Variants in IQUB observed in about 807,000 individuals in gnomAD.
IQUB encodes IQ motif and ubiquitin-like domain-containing protein.
Under a neutral mutation model 86.4 loss-of-function variants are expected in IQUB, and 86 were observed. The ratio of observed to expected loss-of-function variants is 1.00; its 90% CI spans 0.84 to 1.19. The LOEUF is 1.19. IQUB is among the 50% of genes most tolerant of loss of function. The pLI, the probability that IQUB is intolerant of heterozygous loss-of-function variation, is 0.00. For synonymous variants in IQUB, 289 were observed against 304.5 expected (o/e 0.95, Z 0.53); for missense variants, 946 against 916.9 (o/e 1.03, Z -0.41).
chr7:123,516,935 A>G (rs529104233), intron 1 of IQUB, among the ~76,000 whole-genome samples: 2 of 152,264 alleles, frequency 1.3e-5, no homozygotes, highest in South Asian at 4.1e-4. Flanking sequence ...TTTCATGAAT[A>G]CTGTCAGAAT....
chr7:123,502,485 A>G (rs1444706388), intron 6 of IQUB, 112 bp downstream of exon 6: 1 of 872,256 alleles, frequency 1.1e-6, no homozygotes, highest in Non-Finnish European at 1.8e-6. Context: ...TATGACCCAT[A>G]CTCATGAGCA....
intron 1 of IQUB, among the ~76,000 whole-genome samples, chr7:123,514,869 G>A (rs561741870): frequency 1.3e-5 from 2 of 152,192 alleles, no homozygotes; most frequent in East Asian, 3.9e-4. Context: ...CTGTTTCTGA[G>A]TTATTTCACT....
chr7:123,487,738 C>T (rs1176793072), intron 7 of IQUB, among the ~76,000 whole-genome samples: 12 of 152,090 alleles, frequency 7.9e-5, no homozygotes, highest in South Asian at 2.1e-4. Flanking sequence ...ACAAACTTGC[C>T]GAACTTCAGT....
At chr7:123,527,647 C>T (rs539692318) in intron 1 of IQUB, among the ~76,000 whole-genome samples, 124 of 152,186 alleles carry the variant, frequency 8.1e-4, no homozygotes, top group Non-Finnish European at 1.6e-3. Flanking sequence ...GGCCAGGGAC[C>T]CACTTGAGGA....
intron 2 of IQUB, among the ~76,000 whole-genome samples, chr7:123,511,182 T>G (rs1796396691): frequency 6.6e-6 from 1 of 152,118 alleles, no homozygotes; most frequent in Admixed American, 6.6e-5. Flanking sequence ...AAGCTACATT[T>G]TACCAGCCAA....
At chr7:123,505,960 A>G (rs1041712501) in intron 3 of IQUB, among the ~76,000 whole-genome samples, 1 of 152,194 alleles carries the variant, frequency 6.6e-6, no homozygotes, top group Non-Finnish European at 1.5e-5. Flanking sequence ...ATGACCATAT[A>G]CTGTTAGAAC....
At chr7:123,486,931 T>A (rs543836367) in intron 7 of IQUB, among the ~76,000 whole-genome samples, 19 of 152,292 alleles carry the variant, frequency 1.2e-4, no homozygotes, top group African/African-American at 4.6e-4. Context: ...TTCTGCAGCA[T>A]CACCTTGCCC....
intron 1 of IQUB, among the ~76,000 whole-genome samples, chr7:123,514,625 G>C (rs1796562973): frequency 6.6e-6 from 1 of 152,162 alleles, no homozygotes; most frequent in Non-Finnish European, 1.5e-5. Flanking sequence ...GGGAGTACAA[G>C]TACAGTGCAG....
intron 5 of IQUB, 88 bp from the exon 6 acceptor site, chr7:123,502,840 T>G: frequency 1.5e-6 from 2 of 1,368,218 alleles, no homozygotes; most frequent in East Asian, 4.6e-5. Flanking sequence ...CATTTTCTTT[T>G]ATTAATTGCC....
intron 8 of IQUB, among the ~76,000 whole-genome samples, chr7:123,469,654 G>C (rs1269410236): frequency 1.3e-5 from 2 of 152,068 alleles, no homozygotes; most frequent in African/African-American, 4.8e-5. Flanking sequence ...ATGTTGAATT[G>C]TTTGAGAGAT....
intron 1 of IQUB, among the ~76,000 whole-genome samples, chr7:123,522,458 T>A (rs963287925): frequency 4.6e-5 from 7 of 152,248 alleles, no homozygotes; most frequent in Non-Finnish European, 7.3e-5. Context: ...AACCTAAGTC[T>A]CATATTCCAC....
At chr7:123,457,239 A>AT in intron 12 of IQUB, 142 bp downstream of exon 12, 2 of 1,417,970 alleles carry the variant, frequency 1.4e-6, no homozygotes, top group African/African-American at 1.5e-5. Flanking sequence ...CCATCCATAA[A>AT]TTTTTTTGTT....
At chr7:123,485,496 C>T (rs1795181239) in intron 7 of IQUB, among the ~76,000 whole-genome samples, 1 of 152,050 alleles carries the variant, frequency 6.6e-6, no homozygotes, top group Non-Finnish European at 1.5e-5. Context: ...TCGATAACCA[C>T]AAATATTTTT....
At chr7:123,476,465 G>T (rs1278771602) in intron 8 of IQUB, among the ~76,000 whole-genome samples, 1 of 152,054 alleles carries the variant, frequency 6.6e-6, no homozygotes, top group East Asian at 1.9e-4. Context: ...GGGAGAGATG[G>T]CAGTGATACA....
intron 9 of IQUB, among the ~76,000 whole-genome samples, chr7:123,465,351 A>G (rs1319135977): frequency 6.6e-6 from 1 of 151,998 alleles, no homozygotes; most frequent in Non-Finnish European, 1.5e-5. Context: ...GAGGTGGTAA[A>G]ACTATGAAGA....
Position 123,452,799 on chromosome 7 carries a change from TC to T in IQUB, c.2319del (p.Trp773Ter), listed in dbSNP as rs1293985770. On this transcript the variant is annotated frameshift_variant, in exon 13 of 13. Transcript: ENST00000324698. LOFTEE classifies it low-confidence loss of function (END_TRUNC). Reference protein sequence around the residue: ...LDDGEIDEIRWKYHSDTTPKI... With the variant: ...LDDGEIDEIRXKYHSDTTPKI... ...TTAGGTGTTGTGTCTGAGTGATACT[TC>T]CATCTGATCTCATCAATTTCACCAT... The T allele has an allele frequency of 6.2e-7, 1 of 1,613,502 alleles. No homozygotes were observed. Among genetic ancestry groups the T allele is most frequent in the East Asian group, 2.2e-5 (1 of 44,866 alleles).
intron 5 of IQUB, 94 bp from the exon 6 acceptor site, chr7:123,502,846 T>G (rs182759048): frequency 5.8e-6 from 8 of 1,368,346 alleles, no homozygotes; most frequent in African/African-American, 1.5e-5. Context: ...CTTTTATTAA[T>G]TGCCATATAA....
At chr7:123,496,483 T>G (rs1402857303) in intron 7 of IQUB, among the ~76,000 whole-genome samples, 1 of 152,162 alleles carries the variant, frequency 6.6e-6, no homozygotes, top group East Asian at 1.9e-4. Flanking sequence ...GTATGTACAT[T>G]TTAATTGTTA....
At chr7:123,488,060 G>T (rs1473815393) in intron 7 of IQUB, among the ~76,000 whole-genome samples, 4 of 152,042 alleles carry the variant, frequency 2.6e-5, no homozygotes, top group African/African-American at 9.7e-5. Context: ...TTTTCTAAAA[G>T]AAAAGCTGAG....
Sources: gnomAD v4.1 joint callset for allele counts (sites outside exome capture counted in the v4.1 genomes callset) on GRCh38, gnomAD v4.1.1 for gene constraint, MANE v1.5 for transcripts, NCBI Gene and HGNC (gene_info 2026-07-23, HGNC 2026-07-21) for gene names.